CCDC138: variants seen among roughly 807,000 people sequenced by gnomAD.
CCDC138 encodes the protein coiled-coil domain containing 138.
In CCDC138, 66 loss-of-function variants were observed where a neutral mutation model predicts 82.3. The ratio of observed to expected loss-of-function variants is 0.80; its 90% CI spans 0.66 to 0.98. CCDC138 has a LOEUF of 0.98. Among genes scored for constraint, CCDC138 ranks in the 50% least tolerant of loss-of-function variants. The pLI is 0.00. For missense variants in CCDC138, 816 were observed against 758.9 expected (o/e 1.08, Z -0.88); for synonymous variants, 297 against 265.4 (o/e 1.12, Z -1.16).
At chr2:108,805,048 T>A in intron 7 of CCDC138, 40 bp downstream of exon 7, 1 of 1,116,578 alleles carries the variant, frequency 9.0e-7, no homozygotes, top group Non-Finnish European at 1.2e-6. Flanking sequence ...TAAGACATTC[T>A]AAGAAGTATA....
intron 1 of CCDC138, 51 bp from the exon 2 acceptor site, chr2:108,787,981 C>A: frequency 7.4e-7 from 1 of 1,353,670 alleles, no homozygotes; most frequent in Non-Finnish European, 1.0e-6. Context: ...TATTTTGAGA[C>A]AGTAAATTGA....
Position 108,856,901 on chromosome 2 carries a change from C to A in CCDC138, c.1624C>A (p.Leu542Ile). Reference sequence around the variant, plus strand: ...GGCTGTTCCAGTAATATTAAGTCATCTAAGAATATCCAGTAAAGGACTCCT... The same window carrying A: ...GGCTGTTCCAGTAATATTAAGTCATATAAGAATATCCAGTAAAGGACTCCT... ...YQAVPVILSHLRISSKGLLSN... is the reference protein window; with the variant it reads ...YQAVPVILSHIRISSKGLLSN... Residue 542 changes from leucine to isoleucine, a missense_variant, in exon 13 of 15, where the codon CTA (leucine) becomes ATA (isoleucine). Transcript: ENST00000295124. 6.2e-7 allele frequency: 1 copy of A among 1,613,114 alleles called. No individual in the cohort carries two copies. The highest frequency in any genetic ancestry group is 2.2e-5 in the East Asian group (1 of 44,794).
intron 6 of CCDC138, among the ~76,000 whole-genome samples, chr2:108,799,305 T>C (rs182149115): frequency 7.2e-5 from 11 of 152,352 alleles, no homozygotes; most frequent in Admixed American, 3.9e-4. Flanking sequence ...AGATATATTT[T>C]ACTGTACATA....
intron 3 of CCDC138, among the ~76,000 whole-genome samples, chr2:108,789,884 A>G (rs899306987): frequency 4.6e-5 from 7 of 152,242 alleles, no homozygotes; most frequent in Non-Finnish European, 7.3e-5. Flanking sequence ...AATGCTAAAA[A>G]TATGTGGCAG....
chr2:108,873,522 G>T lies in CCDC138; in HGVS notation c.1765G>T (p.Ala589Ser). The T allele has an allele frequency of 6.2e-7, 1 of 1,612,438 alleles. No homozygotes were observed. Among genetic ancestry groups the T allele is most frequent in the Non-Finnish European group, 8.5e-7 (1 of 1,179,236 alleles). ...FFRTCSVLLR[A>S]PKLDLQILEK... ...TCGTACTTGCTCTGTGCTGCTTCGA[G>T]CCCCTAAGCTTGATCTTCAAATACT... Residue 589 changes from alanine (A) to serine (S), a missense_variant, in exon 14 of 15, where the codon GCC becomes TCC. By Grantham distance (99) the Ala-to-Ser change is moderately conservative. Transcript: ENST00000295124.
At chr2:108,838,115 G>A (rs1003294439) in intron 10 of CCDC138, among the ~76,000 whole-genome samples, 4 of 152,034 alleles carry the variant, frequency 2.6e-5, no homozygotes, top group African/African-American at 9.7e-5. Flanking sequence ...TAGTGACTCT[G>A]GTAAGATTAC....
At chr2:108,789,468 T>G (rs1028215456) in intron 3 of CCDC138, among the ~76,000 whole-genome samples, 1 of 152,076 alleles carries the variant, frequency 6.6e-6, no homozygotes, top group African/African-American at 2.4e-5. Flanking sequence ...GTGGTGTGCG[T>G]CTGGAATCTC....
At chr2:108,851,528 C>G (rs1691498610) in intron 12 of CCDC138, among the ~76,000 whole-genome samples, 1 of 152,156 alleles carries the variant, frequency 6.6e-6, no homozygotes, top group Admixed American at 6.6e-5. Context: ...TGTTGAACTC[C>G]TGAATTCAGG....
At chr2:108,861,211 A>G (rs535197906) in intron 13 of CCDC138, among the ~76,000 whole-genome samples, 5 of 150,688 alleles carry the variant, frequency 3.3e-5, no homozygotes, top group African/African-American at 1.2e-4. Flanking sequence ...TATTGGGATC[A>G]TCTCTCTTTT....
In CCDC138 at chr2:108,794,175, A is replaced by G. The variant is rs111657066; in HGVS notation, c.395-365A>G. Among the ~76,000 whole-genome samples the G allele has an allele frequency of 5.1e-3, 772 of 152,342 alleles. 9 individuals carry two copies. The highest frequency in any genetic ancestry group is 0.015 in the African/African-American group (633 of 41,580). ...AAACAGCAAAGCAAAGCAGCATGTA[A>G]CACTTACTTGCATTAGTGGTAAATT... is the stretch of plus-strand genomic sequence containing the variant. On this transcript the variant is annotated intron_variant, in intron 4 of 14. Coordinates refer to ENST00000295124, the MANE Select transcript of CCDC138 (RefSeq NM_144978.3).
intron 11 of CCDC138, among the ~76,000 whole-genome samples, chr2:108,843,421 G>A (rs1320777458): frequency 1.3e-5 from 2 of 152,188 alleles, no homozygotes; most frequent in African/African-American, 4.8e-5. Context: ...GCCTCCCAAA[G>A]TGCTGGGATT....
intron 13 of CCDC138, among the ~76,000 whole-genome samples, chr2:108,862,205 A>G (rs1693753771): frequency 6.6e-6 from 1 of 151,996 alleles, no homozygotes; most frequent in African/African-American, 2.4e-5. Flanking sequence ...TAAAAAAAAA[A>G]CAAAACAGGA....
At chr2:108,819,573 G>A (rs933272028) in intron 10 of CCDC138, among the ~76,000 whole-genome samples, 6 of 152,164 alleles carry the variant, frequency 3.9e-5, no homozygotes, top group African/African-American at 1.4e-4. Context: ...AGGAAACAGC[G>A]ATAAGTTGCT....
intron 9 of CCDC138, among the ~76,000 whole-genome samples, chr2:108,814,865 A>G (rs1052519390): frequency 4.6e-5 from 7 of 151,666 alleles, no homozygotes; most frequent in African/African-American, 1.7e-4. Flanking sequence ...CAATCTCCTG[A>G]CCTCTGGTGA....
At chr2:108,828,675 T>C (rs944212241) in intron 10 of CCDC138, among the ~76,000 whole-genome samples, 2 of 152,184 alleles carry the variant, frequency 1.3e-5, no homozygotes, top group African/African-American at 2.4e-5. Context: ...CCTTACCTTA[T>C]ACGATATGTA....
intron 9 of CCDC138, among the ~76,000 whole-genome samples, chr2:108,815,160 T>C (rs1192993833): frequency 6.6e-6 from 1 of 152,182 alleles, no homozygotes; most frequent in Non-Finnish European, 1.5e-5. Context: ...TTGAATGATA[T>C]ACTGGAAAGA....
rs749371791 is a variant in CCDC138, at chr2:108,788,907, T to G, written c.207T>G (p.Asp69Glu). ...TTGGTTCATCGTTAAAATATTCTGA[T>G]GAAAGCAAGCATTGTAGAACACCAT... ...DKVGSSLKYS[D>E]ESKHCRTPLG... Residue 69 changes from aspartate (D) to glutamate (E), a missense_variant, in exon 3 of 15, where the codon GAT becomes GAG. Transcript: ENST00000295124. 1.2e-6 allele frequency: 2 copies of G among 1,614,150 alleles called. No homozygotes were observed. Among genetic ancestry groups the G allele is most frequent in the East Asian group, 4.5e-5 (2 of 44,864 alleles).
intron 3 of CCDC138, among the ~76,000 whole-genome samples, chr2:108,789,325 G>GCT (rs1440225259): frequency 6.6e-6 from 1 of 152,148 alleles, no homozygotes; most frequent in Non-Finnish European, 1.5e-5. Flanking sequence ...AGGTGCGGTG[G>GCT]CTCACGCCTG....
intron 10 of CCDC138, among the ~76,000 whole-genome samples, chr2:108,827,008 A>C (rs1686728375): frequency 6.6e-6 from 1 of 152,198 alleles, no homozygotes; most frequent in Admixed American, 6.5e-5. Context: ...TGATGTCAAA[A>C]ATAGAATCAT....
Sources: allele counts gnomAD v4.1 joint callset (sites outside exome capture counted in the v4.1 genomes callset), GRCh38; gene constraint gnomAD v4.1.1; transcripts MANE v1.5; gene names NCBI Gene and HGNC (gene_info 2026-07-23, HGNC 2026-07-21).